Variants in ARHGAP15 observed in about 807,000 individuals in gnomAD.
ARHGAP15 encodes the protein rho GTPase-activating protein 15.
Under a neutral mutation model 63.7 loss-of-function variants are expected in ARHGAP15, and 51 were observed. The ratio of observed to expected loss-of-function variants is 0.80; its 90% CI spans 0.64 to 1.01. The LOEUF is 1.01. Among genes scored for constraint, ARHGAP15 ranks in the 50% least tolerant of loss-of-function variants. The pLI, the probability that ARHGAP15 is intolerant of heterozygous loss-of-function variation, is 0.00. For missense variants in ARHGAP15, 560 were observed against 564.6 expected (o/e 0.99, Z 0.08); for synonymous variants, 191 against 193.8 (o/e 0.99, Z 0.12).
chr2:143,542,084 C>A (rs556885025), intron 10 of ARHGAP15, among the ~76,000 whole-genome samples: 20 of 152,312 alleles, frequency 1.3e-4, no homozygotes, highest in African/African-American at 4.8e-4. Flanking sequence ...TTGCGGGCAC[C>A]CCTCCCCCAG....
At chr2:143,667,595 A>ATT (rs1293670420) in intron 12 of ARHGAP15, among the ~76,000 whole-genome samples, 3 of 151,614 alleles carry the variant, frequency 2.0e-5, no homozygotes, top group Non-Finnish European at 4.4e-5. Context: ...AAAAAAAAAA[A>ATT]AAAAAAAAGA....
Position 143,645,675 on chromosome 2 carries a change from G to C in ARHGAP15, c.1138+21408G>C, listed in dbSNP as rs115851529. Among the ~76,000 whole-genome samples the C allele has an allele frequency of 4.3e-3, 654 of 151,830 alleles. 2 individuals are homozygous for C. Among genetic ancestry groups the C allele is most frequent in the Non-Finnish European group, 7.1e-3 (484 of 67,910 alleles). ...TTAATTAGATTCTTTTGAATGGTAG[G>C]GAACATAAGATCAAATAACTCTTGT... On this transcript the variant is annotated intron_variant, in intron 12 of 13. Transcript: ENST00000295095.
At chr2:143,762,697 C>A (rs1463657462) in intron 13 of ARHGAP15, among the ~76,000 whole-genome samples, 6 of 149,910 alleles carry the variant, frequency 4.0e-5, no homozygotes, top group African/African-American at 9.8e-5. Flanking sequence ...TAAAGATTGG[C>A]AAGGATTTTT....
At chr2:143,605,942 A>C (rs1231207736) in intron 11 of ARHGAP15, among the ~76,000 whole-genome samples, 1 of 143,280 alleles carries the variant, frequency 7.0e-6, no homozygotes, top group Non-Finnish European at 1.5e-5. Context: ...AAGCTGAGGC[A>C]GGAGAATTGC....
intron 4 of ARHGAP15, among the ~76,000 whole-genome samples, chr2:143,221,372 G>A (rs1455128296): frequency 6.6e-6 from 1 of 152,066 alleles, no homozygotes; most frequent in African/African-American, 2.4e-5. Flanking sequence ...TTCATAAGAG[G>A]CCATACCTTT....
intron 13 of ARHGAP15, among the ~76,000 whole-genome samples, chr2:143,743,691 A>G (rs1475330127): frequency 1.3e-5 from 2 of 152,150 alleles, no homozygotes; most frequent in African/African-American, 4.8e-5. Context: ...CAGATCTTTC[A>G]GCTTGGTATA....
chr2:143,195,152 A>G (rs184123498), intron 2 of ARHGAP15, among the ~76,000 whole-genome samples: 1 of 152,286 alleles, frequency 6.6e-6, no homozygotes, highest in East Asian at 1.9e-4. Flanking sequence ...AAAGAAAATA[A>G]GAGTGTCAGA....
intron 11 of ARHGAP15, among the ~76,000 whole-genome samples, chr2:143,570,994 C>A (rs1696427208): frequency 6.6e-6 from 1 of 152,128 alleles, no homozygotes; most frequent in Non-Finnish European, 1.5e-5. Context: ...GGTGAGAGAG[C>A]ATTACCCCCT....
intron 2 of ARHGAP15, among the ~76,000 whole-genome samples, chr2:143,184,070 C>T (rs1362687561): frequency 5.9e-5 from 9 of 152,136 alleles, no homozygotes; most frequent in Non-Finnish European, 1.3e-4. Flanking sequence ...ATGACACAGC[C>T]GCTGATGCAG....
chr2:143,572,696 T>C (rs987600526), intron 11 of ARHGAP15, among the ~76,000 whole-genome samples: 2 of 152,182 alleles, frequency 1.3e-5, no homozygotes, highest in East Asian at 1.9e-4. Context: ...TTCTGACTCA[T>C]GAAACTCTTG....
At chr2:143,423,106 C>T (rs910311501) in intron 6 of ARHGAP15, among the ~76,000 whole-genome samples, 1 of 152,072 alleles carries the variant, frequency 6.6e-6, no homozygotes, top group African/African-American at 2.4e-5. Context: ...GCTGGAGAAA[C>T]CCCAGGGGCC....
intron 1 of ARHGAP15, among the ~76,000 whole-genome samples, chr2:143,139,082 A>G (rs1573997120): frequency 6.6e-6 from 1 of 151,948 alleles, no homozygotes; most frequent in Non-Finnish European, 1.5e-5. Context: ...TTAAATTTCT[A>G]TCTTTAGCCT....
chr2:143,139,792 G>A (rs1001438704), intron 1 of ARHGAP15, among the ~76,000 whole-genome samples: 38 of 152,036 alleles, frequency 2.5e-4, no homozygotes, highest in Non-Finnish European at 2.1e-4. Flanking sequence ...TTCTTACAGA[G>A]ATAGTAGTGG....
chr2:143,696,001 G>A (rs1281290370), intron 12 of ARHGAP15, among the ~76,000 whole-genome samples: 1 of 152,144 alleles, frequency 6.6e-6, no homozygotes, highest in East Asian at 1.9e-4. Flanking sequence ...TTTCCTGAAT[G>A]TATTTGTGAA....
chr2:143,450,169 T>C (rs1432494818), intron 8 of ARHGAP15, among the ~76,000 whole-genome samples: 1 of 147,744 alleles, frequency 6.8e-6, no homozygotes, highest in Non-Finnish European at 1.5e-5. Context: ...TTTTTTTTTT[T>C]AAATCGGGCA....
At chr2:143,605,363 A>G (rs1351419841) in intron 11 of ARHGAP15, among the ~76,000 whole-genome samples, 2 of 152,210 alleles carry the variant, frequency 1.3e-5, no homozygotes, top group African/African-American at 4.8e-5. Flanking sequence ...TCTCATATGA[A>G]GAACATTTTT....
chr2:143,206,154 A>G lies in ARHGAP15; in HGVS notation c.234+3952A>G, dbSNP rs1319144692. Among the ~76,000 whole-genome samples the G allele has an allele frequency of 2.0e-5, 3 of 152,052 alleles. No individual in the cohort carries two copies. In the South Asian group the frequency reaches 6.2e-4, roughly 31 times the overall value. Reference sequence around the variant, plus strand: ...AATTACAGTCCTTTCATCCCAGCACATGTTCATGTGTTGTTTTGTGTTGCT... The same window carrying G: ...AATTACAGTCCTTTCATCCCAGCACGTGTTCATGTGTTGTTTTGTGTTGCT... On this transcript the variant is annotated intron_variant, in intron 3 of 13. Transcript: ENST00000295095.
intron 11 of ARHGAP15, among the ~76,000 whole-genome samples, chr2:143,610,203 A>G (rs1698198873): frequency 6.6e-6 from 1 of 152,092 alleles, no homozygotes; most frequent in South Asian, 2.1e-4. Context: ...ATGTATGGTG[A>G]AGGTGTGTTC....
Position 143,651,845 on chromosome 2 carries a change from C to T in ARHGAP15, c.1138+27578C>T, listed in dbSNP as rs904722263. ...TGGGCATCTTTTCATGCTTATTTGC[C>T]ATCTTCATGTTTTCTTTGGTGAAGT... On this transcript the variant is annotated intron_variant, in intron 12 of 13. Coordinates refer to ENST00000295095, the MANE Select transcript of ARHGAP15 (RefSeq NM_018460.4). Among the ~76,000 whole-genome samples, 6 of 151,946 alleles carry T rather than the reference C, an allele frequency of 3.9e-5. No homozygotes were observed. The South Asian group carries it at 1.2e-3, about 31-fold the overall frequency.
Sources: gnomAD v4.1 joint callset for allele counts (sites outside exome capture counted in the v4.1 genomes callset) on GRCh38, gnomAD v4.1.1 for gene constraint, MANE v1.5 for transcripts, NCBI Gene and HGNC (gene_info 2026-07-23, HGNC 2026-07-21) for gene names.